Variants in DGKD observed in about 807,000 individuals in gnomAD.
The protein encoded by DGKD is DAG kinase delta.
Under a neutral mutation model 154.4 loss-of-function variants are expected in DGKD, and 68 were observed. The ratio of observed to expected loss-of-function variants is 0.44; its 90% CI spans 0.36 to 0.54. The LOEUF (loss-of-function observed/expected upper bound fraction) is 0.54, where lower values mean the gene tolerates loss of function less well. Among genes scored for constraint, DGKD ranks in the 20% least tolerant of loss-of-function variants. The pLI is 0.00. For synonymous variants in DGKD, 693 were observed against 638.0 expected, an observed-to-expected ratio of 1.09 and a Z score of -1.30; for missense variants, 1,343 against 1,593.6, an observed-to-expected ratio of 0.84 and a Z score of 2.68.
Position 233,457,388 on chromosome 2 carries a change from A to G in DGKD, c.2580+60A>G, listed in dbSNP as rs750985775. On this transcript the variant is annotated intron_variant, in intron 21 of 29. Coordinates refer to ENST00000264057, the MANE Select transcript of DGKD (RefSeq NM_152879.3). This position sits in a 1 kb window ranked among gnomAD's most constrained non-coding sequence, Gnocchi z 5.5. ...CAGTGGGGAAGAGCTGTCTGAGAGC[A>G]GGGGGGTGTTCTGCTGTGGCTGGGG... 1 of 1,273,042 alleles carries G rather than the reference A, an allele frequency of 7.9e-7. No individual in the cohort carries two copies. Among genetic ancestry groups the G allele is most frequent in the East Asian group, 2.3e-5 (1 of 43,274 alleles). The allele number at this position is 1,273,042 out of a possible 1,614,324, so 78.9% of individuals were successfully genotyped here.
Position 233,462,327 on chromosome 2 carries a change from CG to C in DGKD, c.2982-20del. ...CCTTCCATTTGGCCTGACATCTGCC[CG>C]TGCTTCTCTTCCTCTCTAGTATCCG... On this transcript the variant is annotated intron_variant, in intron 24 of 29. Coordinates refer to ENST00000264057, the MANE Select transcript of DGKD (RefSeq NM_152879.3). 6.3e-7 allele frequency: 1 copy of C among 1,579,346 alleles called. No individual in the cohort carries two copies.
chr2:233,358,403 T>G (rs935717621), intron 1 of DGKD, among the ~76,000 whole-genome samples: 5 of 152,194 alleles, frequency 3.3e-5, no homozygotes, highest in African/African-American at 1.2e-4. Flanking sequence ...TGAAGACTAG[T>G]AAAAATTAGG....
chr2:233,427,482 A>G (rs1008916598), intron 3 of DGKD, among the ~76,000 whole-genome samples: 17 of 151,976 alleles, frequency 1.1e-4, no homozygotes, highest in African/African-American at 3.6e-4. Context: ...CTGGGATTAC[A>G]GGTACATGCC....
chr2:233,454,084 C>G (rs1257369343), intron 18 of DGKD, among the ~76,000 whole-genome samples: 1 of 152,206 alleles, frequency 6.6e-6, no homozygotes, highest in Admixed American at 6.5e-5. Flanking sequence ...TCCAGCAGCT[C>G]TGCCGGAGGT....
At chr2:233,435,955 TG>T in intron 6 of DGKD, 31 bp downstream of exon 6, 1 of 1,568,508 alleles carries the variant, frequency 6.4e-7, no homozygotes. Context: ...TGTGGGGCCC[TG>T]AGCCAGGGTC....
intron 3 of DGKD, among the ~76,000 whole-genome samples, chr2:233,429,730 C>G (rs2062443940): frequency 6.6e-6 from 1 of 152,250 alleles, no homozygotes; most frequent in Non-Finnish European, 1.5e-5. Flanking sequence ...TGAACAGCAG[C>G]AGGGCAGAAG....
intron 25 of DGKD, 92 bp downstream of exon 25, chr2:233,462,551 T>A: frequency 6.6e-7 from 1 of 1,520,198 alleles, no homozygotes; most frequent in Non-Finnish European, 9.1e-7. Flanking sequence ...GCCTCCCCGG[T>A]GCATGTTCGG....
At chr2:233,460,449 G>A in intron 24 of DGKD, 104 bp downstream of exon 24, 1 of 1,451,446 alleles carries the variant, frequency 6.9e-7, no homozygotes, top group Non-Finnish European at 9.3e-7. Flanking sequence ...CCTGACTTTT[G>A]TGGGGTCTGC....
intron 3 of DGKD, among the ~76,000 whole-genome samples, chr2:233,400,610 T>C (rs1204967501): frequency 2.0e-5 from 3 of 152,174 alleles, no homozygotes; most frequent in African/African-American, 7.2e-5. Flanking sequence ...TTTGAGTCCA[T>C]CTCGGGTGCT....
chr2:233,420,499 T>C (rs960789444), intron 3 of DGKD, among the ~76,000 whole-genome samples: 2 of 152,220 alleles, frequency 1.3e-5, no homozygotes, highest in African/African-American at 4.8e-5. Flanking sequence ...ATCCTAACTT[T>C]GGTGTTTGTC....
rs1008563868 is a variant in DGKD, at chr2:233,470,825, G to A, written c.*1365G>A. 1.3e-5 allele frequency: 2 copies of A among 152,398 alleles called. No homozygotes were observed. Among genetic ancestry groups the A allele is most frequent in the Non-Finnish European group, 2.9e-5 (2 of 68,142 alleles). The allele number at this position is 152,398 out of a possible 1,614,324, so 9.4% of individuals were successfully genotyped here. On this transcript the variant is annotated 3_prime_UTR_variant, in exon 30 of 30. Transcript: ENST00000264057. ...CTTCTCTTTGGCTCCCAAAGAGAAG[G>A]ACAGTGTTGGGAGTATCTGCCGTGG...
At chr2:233,355,644 A>C (rs1261315396) in intron 1 of DGKD, among the ~76,000 whole-genome samples, 3 of 152,224 alleles carry the variant, frequency 2.0e-5, no homozygotes, top group African/African-American at 7.2e-5. Context: ...CTGAGGTCCT[A>C]ACATGTTACA....
At chr2:233,434,222 A>G (rs2062618177) in intron 3 of DGKD, among the ~76,000 whole-genome samples, 158 bp from the exon 4 acceptor site, 1 of 152,184 alleles carries the variant, frequency 6.6e-6, no homozygotes, top group South Asian at 2.1e-4. Flanking sequence ...TTTAATTTTT[A>G]GTGATCCTTG....
chr2:233,388,162 GA>G, intron 1 of DGKD, 94 bp from the exon 2 acceptor site: 2 of 1,560,812 alleles, frequency 1.3e-6, no homozygotes, highest in Non-Finnish European at 1.7e-6. Flanking sequence ...TTAGAGACAC[GA>G]ATATGTTTCA....
intron 3 of DGKD, among the ~76,000 whole-genome samples, chr2:233,419,982 C>T (rs973136356): frequency 6.6e-6 from 1 of 152,146 alleles, no homozygotes; most frequent in African/African-American, 2.4e-5. Flanking sequence ...GAAGCATCCA[C>T]CTTGTTTTCA....
At chr2:233,406,659 C>T (rs1441090286) in intron 3 of DGKD, among the ~76,000 whole-genome samples, 2 of 152,174 alleles carry the variant, frequency 1.3e-5, no homozygotes. Context: ...CCACTGTAAT[C>T]ATAAGTATTT....
rs766692531 is a variant in DGKD, at chr2:233,441,936, G to A, written c.1135G>A (p.Gly379Arg). The A allele has an allele frequency of 2.5e-6, 4 of 1,611,202 alleles. No individual in the cohort carries two copies. The highest frequency in any genetic ancestry group is 1.3e-5 in the African/African-American group (1 of 74,904). ...FDTFRILVCG[G>R]DGSVGWVLSE... ...CACATTCCGGATTCTGGTTTGTGGC[G>A]GGGATGGAAGTGTTGGCTGGGTCCT... The change falls in exon 10 of 30, where the codon GGG becomes AGG. Residue 379 changes from glycine (G) to arginine (R), a missense_variant. Physicochemically the swap from Gly to Arg is moderately radical, Grantham distance 125. Transcript: ENST00000264057. This position sits in a 1 kb window ranked among gnomAD's most constrained non-coding sequence, Gnocchi z 5.6.
intron 12 of DGKD, 59 bp downstream of exon 12, chr2:233,446,855 G>A: frequency 6.3e-7 from 1 of 1,589,144 alleles, no homozygotes; most frequent in Non-Finnish European, 8.6e-7. Context: ...GAACTGTCCT[G>A]TCAGCGGTTT....
chr2:233,428,850 A>C (rs926222951), intron 3 of DGKD, among the ~76,000 whole-genome samples: 1 of 151,734 alleles, frequency 6.6e-6, no homozygotes, highest in Non-Finnish European at 1.5e-5. Flanking sequence ...TCACAACAGA[A>C]CAGGCACAAA....
Sources: allele counts gnomAD v4.1 joint callset (sites outside exome capture counted in the v4.1 genomes callset), GRCh38; gene constraint gnomAD v4.1.1; non-coding constraint Gnocchi (gnomAD v3.1); transcripts MANE v1.5; gene names NCBI Gene and HGNC (gene_info 2026-07-23, HGNC 2026-07-21).